The following PRKN variants were observed in gnomAD, a reference collection of about 807,000 sequenced individuals.
PRKN encodes parkin RBR E3 ubiquitin protein ligase, also known as E3 ubiquitin-protein ligase parkin.
A neutral mutation model predicts 59.5 loss-of-function variants in PRKN; 56 were observed. That is an observed-to-expected ratio of 0.94 (90% CI 0.76 to 1.18). The LOEUF (loss-of-function observed/expected upper bound fraction) is 1.18, where lower values mean the gene tolerates loss of function less well. Ranked by LOEUF, PRKN falls within the 50% of genes most tolerant of loss-of-function variation. The probability of loss-of-function intolerance (pLI) is 0.00; values close to 1 mark genes in which losing one functional copy is unlikely to be tolerated. For missense variants in PRKN, 657 were observed against 596.4 expected, an observed-to-expected ratio of 1.10 and a Z score of -1.06; for synonymous variants, 250 against 222.1, an observed-to-expected ratio of 1.13 and a Z score of -1.12.
At chr6:161,777,428 T>C (rs577282866) in intron 7 of PRKN, among the ~76,000 whole-genome samples, 4 of 152,068 alleles carry the variant, frequency 2.6e-5, no homozygotes, top group South Asian at 4.1e-4. Context: ...TGCCTGGCCA[T>C]ACCTTGAAGA....
intron 1 of PRKN, among the ~76,000 whole-genome samples, chr6:162,471,178 A>G (rs1180664438): frequency 6.6e-6 from 1 of 151,972 alleles, no homozygotes; most frequent in African/African-American, 2.4e-5. Context: ...GCTCACCGCA[A>G]CATCCACCTC....
intron 2 of PRKN, among the ~76,000 whole-genome samples, chr6:162,403,643 C>T (rs2128150895): frequency 6.6e-6 from 1 of 152,206 alleles, no homozygotes; most frequent in Middle Eastern, 3.4e-3. Flanking sequence ...GTTACTGAAT[C>T]CCTGGAATCA....
chr6:161,495,987 G>A (rs919786062), intron 9 of PRKN, among the ~76,000 whole-genome samples: 3 of 152,140 alleles, frequency 2.0e-5, no homozygotes, highest in Non-Finnish European at 2.9e-5. Context: ...GTTGGTGTTC[G>A]TTCTAGACCT....
chr6:161,946,410 ACACACTCT>A (rs1323358291), intron 6 of PRKN, among the ~76,000 whole-genome samples: 18 of 95,200 alleles, frequency 1.9e-4, no homozygotes, highest in African/African-American at 5.9e-4. Context: ...ACACACACAC[ACACACTCT>A]CTCTCTCTCT....
At chr6:161,517,408 G>A (rs916540974) in intron 9 of PRKN, among the ~76,000 whole-genome samples, 1 of 151,996 alleles carries the variant, frequency 6.6e-6, no homozygotes, top group African/African-American at 2.4e-5. Context: ...TTCTGCTTGG[G>A]TAAGGACCCA....
rs1781351400 is a variant in PRKN, at chr6:161,581,830, C to T, written c.872-12414G>A. On this transcript the variant is annotated intron_variant, in intron 7 of 11. Transcript: ENST00000366898. This position sits in a 1 kb window ranked among gnomAD's most constrained non-coding sequence, Gnocchi z 4.5. ...GCCATGCTAAGCTAGTGAGTTCTGACAAGGGCTCCTTTCCTGCTTCAGGTT... is the reference window on the plus strand; with the variant it reads ...GCCATGCTAAGCTAGTGAGTTCTGATAAGGGCTCCTTTCCTGCTTCAGGTT... Among the ~76,000 whole-genome samples the T allele has an allele frequency of 6.6e-6, 1 of 152,184 alleles. No homozygotes were observed. Among genetic ancestry groups the T allele is most frequent in the East Asian group, 1.9e-4 (1 of 5,182 alleles).
intron 1 of PRKN, among the ~76,000 whole-genome samples, chr6:162,671,497 C>CAAAAAAAA (rs5881490): frequency 1.8e-5 from 2 of 111,668 alleles, no homozygotes; most frequent in African/African-American, 6.7e-5. Flanking sequence ...GACTCTGTCT[C>CAAAAAAAA]AAAAAAAAAA....
At chr6:161,706,533 G>A (rs1288576879) in intron 7 of PRKN, among the ~76,000 whole-genome samples, 3 of 152,284 alleles carry the variant, frequency 2.0e-5, no homozygotes, top group Admixed American at 6.5e-5. Flanking sequence ...GGAAGGAATC[G>A]ATAAACGAAA....
chr6:162,486,805 C>T (rs183130616), intron 1 of PRKN, among the ~76,000 whole-genome samples: 2 of 152,258 alleles, frequency 1.3e-5, no homozygotes, highest in Admixed American at 6.5e-5. Flanking sequence ...CGTGGTGGCT[C>T]ATGCCTGTAA....
At chr6:162,391,425 A>G (rs1787184964) in intron 2 of PRKN, among the ~76,000 whole-genome samples, 1 of 151,138 alleles carries the variant, frequency 6.6e-6, no homozygotes, top group Non-Finnish European at 1.5e-5. Flanking sequence ...TTCCTCCTGG[A>G]AGATAATTTT....
At chr6:161,501,912 T>C (rs1028122919) in intron 9 of PRKN, among the ~76,000 whole-genome samples, 3 of 152,146 alleles carry the variant, frequency 2.0e-5, no homozygotes, top group Admixed American at 2.0e-4. Context: ...TATGAAGATA[T>C]AACCCTACGT....
chr6:161,705,364 T>C (rs1020131336), intron 7 of PRKN, among the ~76,000 whole-genome samples: 3 of 152,198 alleles, frequency 2.0e-5, no homozygotes, highest in Non-Finnish European at 4.4e-5. Context: ...AACGTGTTGA[T>C]TATCTTATGC....
rs546963685 is a variant in PRKN, at chr6:161,408,865, C to G, written c.1084-21988G>C. Among the ~76,000 whole-genome samples the G allele has an allele frequency of 2.5e-3, 381 of 152,210 alleles. 1 individual carries two copies. Among genetic ancestry groups the G allele is most frequent in the African/African-American group, 8.8e-3 (365 of 41,522 alleles). On this transcript the variant is annotated intron_variant, in intron 9 of 11. Coordinates refer to ENST00000366898, the MANE Select transcript of PRKN (RefSeq NM_004562.3). Reference sequence around the variant, plus strand: ...TATCTAAAATGAGGTGGACTTTGCCCATTTATATGCTATCCCCCCAAGTAA... The same window carrying G: ...TATCTAAAATGAGGTGGACTTTGCCGATTTATATGCTATCCCCCCAAGTAA...
intron 6 of PRKN, among the ~76,000 whole-genome samples, chr6:161,918,418 A>G (rs866583612): frequency 6.6e-6 from 1 of 152,206 alleles, no homozygotes; most frequent in African/African-American, 2.4e-5. Flanking sequence ...ATTCAGCTCT[A>G]CCTCTTATGA....
chr6:162,155,114 A>AAAC (rs879330108), intron 4 of PRKN, among the ~76,000 whole-genome samples: 1 of 148,704 alleles, frequency 6.7e-6, no homozygotes, highest in South Asian at 2.1e-4. Context: ...AAAAAAAAAA[A>AAAC]CAACAAAATG....
chr6:162,150,231 G>C (rs713053), intron 4 of PRKN, among the ~76,000 whole-genome samples: 1 of 151,980 alleles, frequency 6.6e-6, no homozygotes, highest in African/African-American at 2.4e-5. Flanking sequence ...GAAAAGGATC[G>C]GTCACAGCAA....
At chr6:162,114,607 C>T (rs1780586205) in intron 4 of PRKN, among the ~76,000 whole-genome samples, 1 of 151,622 alleles carries the variant, frequency 6.6e-6, no homozygotes, top group East Asian at 1.9e-4. Flanking sequence ...TGAAAAAGGG[C>T]TAATATCCAG....
chr6:161,995,208 G>T (rs1162154780), intron 5 of PRKN, among the ~76,000 whole-genome samples: 1 of 152,112 alleles, frequency 6.6e-6, no homozygotes, highest in African/African-American at 2.4e-5. Context: ...ACAATAAAAA[G>T]TGCTAGGCAA....
intron 7 of PRKN, among the ~76,000 whole-genome samples, chr6:161,671,423 C>T (rs1784906035): frequency 6.6e-6 from 1 of 152,164 alleles, no homozygotes; most frequent in African/African-American, 2.4e-5. Flanking sequence ...ACATCCGCGG[C>T]ATGGAGCTTC....
Sources: allele counts gnomAD v4.1 joint callset (sites outside exome capture counted in the v4.1 genomes callset), GRCh38; gene constraint gnomAD v4.1.1; non-coding constraint Gnocchi (gnomAD v3.1); transcripts MANE v1.5; gene names NCBI Gene and HGNC (gene_info 2026-07-23, HGNC 2026-07-21).